GFRAL: variants seen among roughly 807,000 people sequenced by gnomAD.
GFRAL encodes the protein GDNF family receptor alpha like, also known as GDNF family receptor alpha-like.
Under a neutral mutation model 45.4 loss-of-function variants are expected in GFRAL, and 36 were observed. The ratio of observed to expected loss-of-function variants is 0.79; its 90% CI spans 0.61 to 1.05. GFRAL has a LOEUF of 1.05. GFRAL is among the 50% of genes least tolerant of loss of function. The pLI, the probability that GFRAL is intolerant of heterozygous loss-of-function variation, is 0.00. For synonymous variants in GFRAL, 166 were observed against 154.1 expected (o/e 1.08, Z -0.57); for missense variants, 507 against 467.5 (o/e 1.08, Z -0.78).
intron 3 of GFRAL, among the ~76,000 whole-genome samples, chr6:55,342,876 C>T (rs1364211206): frequency 6.6e-6 from 1 of 152,012 alleles, no homozygotes. Context: ...GGGTTGCAAT[C>T]CTAGTCTCTG....
At chr6:55,373,970 G>T (rs1277330680) in intron 6 of GFRAL, among the ~76,000 whole-genome samples, 1 of 152,036 alleles carries the variant, frequency 6.6e-6, no homozygotes, top group East Asian at 1.9e-4. Flanking sequence ...TCATCATTCT[G>T]CTCCCACTTA....
At chr6:55,359,309 A>G (rs9475257) in intron 6 of GFRAL, among the ~76,000 whole-genome samples, 171 bp downstream of exon 6, 24,792 of 151,866 alleles carry the variant, frequency 0.16, 2,331 homozygotes, top group African/African-American at 0.25. Flanking sequence ...TGTATTTGCT[A>G]TTTTACTCAC....
In GFRAL at chr6:55,378,659, C is replaced by T. The variant is rs571629700; in HGVS notation, c.952+19521C>T. Among the ~76,000 whole-genome samples the T allele has an allele frequency of 1.6e-4, 24 of 151,924 alleles. No homozygotes were observed. In the South Asian group the frequency reaches 4.2e-3, roughly 26 times the overall value. Reference sequence around the variant, plus strand: ...CATGGGTACTTCCACAAGTCTTTTTCCCTCATTCCCTTTTCTACAGTCTTC... The same window carrying T: ...CATGGGTACTTCCACAAGTCTTTTTTCCTCATTCCCTTTTCTACAGTCTTC... On this transcript the variant is annotated intron_variant, in intron 6 of 8. Transcript: ENST00000340465.
chr6:55,346,541 G>A (rs538672173), intron 3 of GFRAL, among the ~76,000 whole-genome samples: 5 of 152,078 alleles, frequency 3.3e-5, no homozygotes, highest in South Asian at 4.2e-4. Flanking sequence ...GGGGCCTGTC[G>A]TGGGGTGGTA....
intron 3 of GFRAL, among the ~76,000 whole-genome samples, chr6:55,340,971 G>A (rs370133405): frequency 2.0e-5 from 3 of 152,216 alleles, no homozygotes; most frequent in East Asian, 3.9e-4. Context: ...CAGCGAGGCT[G>A]AGGGAGGGAC....
At chr6:55,397,362 C>CA (rs1371286239) in intron 6 of GFRAL, among the ~76,000 whole-genome samples, 3 of 146,844 alleles carry the variant, frequency 2.0e-5, no homozygotes, top group Admixed American at 1.4e-4. Context: ...ACTAAAAATA[C>CA]AAAAAATTAG....
At chr6:55,364,813 C>T (rs112861841) in intron 6 of GFRAL, among the ~76,000 whole-genome samples, 14 of 151,784 alleles carry the variant, frequency 9.2e-5, no homozygotes, top group Non-Finnish European at 1.5e-5. Context: ...TGTTTTGGTA[C>T]CAGTACCATG....
chr6:55,359,092 T>C lies in GFRAL; in HGVS notation c.906T>C (p.Ser302=), dbSNP rs376692218. 4 of 1,612,692 alleles carry C rather than the reference T, an allele frequency of 2.5e-6. No homozygotes were observed. Among genetic ancestry groups the C allele is most frequent in the Middle Eastern group, 1.7e-4 (1 of 6,036 alleles). ...TCRTITQSEE[S]LCKIFQHMLH... ...GGACCATTACACAAAGTGAGGAATC[T>C]TTGTGTAAGATTTTCCAGCACATGC... The change falls in exon 6 of 9, where the codon TCT becomes TCC. Residue 302 remains serine, a synonymous_variant. Transcript: ENST00000340465.
At chr6:55,369,167 G>A (rs369671398) in intron 6 of GFRAL, among the ~76,000 whole-genome samples, 1 of 152,058 alleles carries the variant, frequency 6.6e-6, no homozygotes, top group South Asian at 2.1e-4. Context: ...TAAGCCCGTC[G>A]GAAAAGCGCA....
chr6:55,371,190 G>T (rs890985858), intron 6 of GFRAL, among the ~76,000 whole-genome samples: 1 of 151,796 alleles, frequency 6.6e-6, no homozygotes, highest in African/African-American at 2.4e-5. Flanking sequence ...TTATTTCTAG[G>T]TATGGCCCAA....
intron 3 of GFRAL, among the ~76,000 whole-genome samples, chr6:55,344,528 A>G (rs968162272): frequency 1.3e-5 from 2 of 152,230 alleles, no homozygotes; most frequent in African/African-American, 4.8e-5. Context: ...TTAGGTATTG[A>G]TGGGATGTAT....
intron 3 of GFRAL, among the ~76,000 whole-genome samples, chr6:55,349,450 T>G (rs1237506020): frequency 6.6e-6 from 1 of 152,140 alleles, no homozygotes; most frequent in East Asian, 1.9e-4. Context: ...TTTATATGTC[T>G]GTATTTCCTT....
At chr6:55,334,631 A>G (rs1055055856) in intron 3 of GFRAL, among the ~76,000 whole-genome samples, 2 of 152,032 alleles carry the variant, frequency 1.3e-5, no homozygotes, top group Non-Finnish European at 2.9e-5. Flanking sequence ...TTCACAATCA[A>G]CCTTCTCTCA....
At position 55,392,104 on chromosome 6, in the gene GFRAL, A is replaced by G. The variant is rs183159211; in HGVS notation, c.953-7076A>G. Among the ~76,000 whole-genome samples the G allele has an allele frequency of 2.6e-3, 391 of 152,188 alleles. 3 individuals carry two copies. Among genetic ancestry groups the G allele is most frequent in the African/African-American group, 9.1e-3 (379 of 41,518 alleles). On this transcript the variant is annotated intron_variant, in intron 6 of 8. Transcript: ENST00000340465. ...ACATTCATTGCTCTCCCTTCTTCCTACTTTCATCCTTCCCTCATATAAACT... is the reference window on the plus strand; with the variant it reads ...ACATTCATTGCTCTCCCTTCTTCCTGCTTTCATCCTTCCCTCATATAAACT...
chr6:55,397,847 C>G (rs915761312), intron 6 of GFRAL, among the ~76,000 whole-genome samples: 1 of 152,088 alleles, frequency 6.6e-6, no homozygotes, highest in Non-Finnish European at 1.5e-5. Flanking sequence ...GACAGACAGA[C>G]AGACTATACA....
In GFRAL at chr6:55,328,726, G is replaced by A. The variant is rs377306724; in HGVS notation, c.22+1150G>A. 2.8e-4 allele frequency among the ~76,000 whole-genome samples: 42 copies of A among 152,050 alleles called. 1 individual carries two copies. In the South Asian group the frequency reaches 4.4e-3, roughly 16 times the overall value. On this transcript the variant is annotated intron_variant, in intron 1 of 8. Coordinates refer to ENST00000340465, the MANE Select transcript of GFRAL (RefSeq NM_207410.2). Reference sequence around the variant, plus strand: ...TTACAGACTCATTATGACCTCAGTTGAAAAGGCAATGGCCTCTTATTTTCA... The same window carrying A: ...TTACAGACTCATTATGACCTCAGTTAAAAAGGCAATGGCCTCTTATTTTCA...
intron 4 of GFRAL, among the ~76,000 whole-genome samples, chr6:55,350,897 G>A (rs1768107825): frequency 6.6e-6 from 1 of 152,018 alleles, no homozygotes; most frequent in Non-Finnish European, 1.5e-5. Flanking sequence ...ATTTTGCCTT[G>A]AGCCAATGAG....
chr6:55,346,214 T>G (rs143134812), intron 3 of GFRAL, among the ~76,000 whole-genome samples: 1,984 of 152,232 alleles, frequency 0.013, 23 homozygotes, highest in Non-Finnish European at 0.022. Context: ...GGATTACAAA[T>G]CATGCTGCTA....
rs763118726 is a variant in GFRAL, at chr6:55,359,010, G to A, written c.824G>A (p.Cys275Tyr). 5 of 1,612,954 alleles carry A rather than the reference G, an allele frequency of 3.1e-6. No individual in the cohort carries two copies. In the African/African-American group the frequency reaches 6.7e-5, roughly 22 times the overall value. Residue 275 changes from cysteine to tyrosine, a missense_variant, in exon 6 of 9, where the codon TGC becomes TAC. By Grantham distance (194) the Cys-to-Tyr change is radical (BLOSUM62 -2). Transcript: ENST00000340465. ...CTCACTTGTTCAGGAAGTGATGACT[G>A]CAAAGCTGCTTACATAGATATCCTT... is the stretch of plus-strand genomic sequence containing the variant. ...QDLTCSGSDD[C>Y]KAAYIDILGT...
Sources: allele counts gnomAD v4.1 joint callset (sites outside exome capture counted in the v4.1 genomes callset), GRCh38; gene constraint gnomAD v4.1.1; transcripts MANE v1.5; gene names NCBI Gene and HGNC (gene_info 2026-07-23, HGNC 2026-07-21).